ZC3H6: variants seen among roughly 807,000 people sequenced by gnomAD.
ZC3H6 encodes zinc finger CCCH domain-containing protein 6.
Under a neutral mutation model 107.7 loss-of-function variants are expected in ZC3H6, and 40 were observed. The ratio of observed to expected loss-of-function variants is 0.37; its 90% CI spans 0.29 to 0.48. The LOEUF is 0.48. Among genes scored for constraint, ZC3H6 ranks in the 20% least tolerant of loss-of-function variants. The pLI is 0.98. For synonymous variants in ZC3H6, 493 were observed against 487.9 expected (o/e 1.01, Z -0.14); for missense variants, 1,267 against 1,410.4 (o/e 0.90, Z 1.63).
In ZC3H6 at chr2:112,311,676, A is replaced by C. The variant is rs920613456; in HGVS notation, c.614-128A>C. 5.3e-6 allele frequency: 4 copies of C among 760,112 alleles called. No homozygotes were observed. In the African/African-American group the frequency reaches 7.2e-5, roughly 14 times the overall value. The allele number at this position is 760,112 out of a possible 1,614,324, so 47.1% of individuals were successfully genotyped here. On this transcript the variant is annotated intron_variant, in intron 4 of 11. Transcript: ENST00000409871. ...TACAAAGATTTAATTTTTTTCATTG[A>C]ATCTAGAAGGAAAAAAAAGAATGCA...
Position 112,275,658 on chromosome 2 carries a change from C to A in ZC3H6, c.-337C>A. On this transcript the variant is annotated 5_prime_UTR_variant, in exon 1 of 12. The change creates a premature stop within an existing upstream ORF in the 5' untranslated region. Transcript: ENST00000409871. ...TGTTGGTGAGGAGAAATCACCGTTACGGCCACTGTCCAAATCCCCGCGTCG... is the reference window on the plus strand; with the variant it reads ...TGTTGGTGAGGAGAAATCACCGTTAAGGCCACTGTCCAAATCCCCGCGTCG... 2.5e-6 allele frequency: 1 copy of A among 404,224 alleles called. No homozygotes were observed. Among genetic ancestry groups the A allele is most frequent in the East Asian group, 3.6e-5 (1 of 28,094 alleles). The allele number at this position is 404,224 out of a possible 1,614,324, so 25.0% of individuals were successfully genotyped here.
intron 4 of ZC3H6, among the ~76,000 whole-genome samples, chr2:112,311,420 C>A (rs1318377406): frequency 6.6e-6 from 1 of 152,080 alleles, no homozygotes; most frequent in Admixed American, 6.5e-5. Context: ...CTCAAAATTA[C>A]CAGTGGAAAT....
Position 112,321,804 on chromosome 2 carries a change from G to A in ZC3H6, c.1025G>A (p.Gly342Glu). Residue 342 changes from glycine to glutamate, a missense_variant, in exon 8 of 12, where the codon GGA becomes GAA. Physicochemically the swap from Gly to Glu is moderately conservative, Grantham distance 98. Transcript: ENST00000409871. ...FYHSGAKCYQ[G>E]DNCKFSHDDL... The stretch of plus-strand genomic sequence containing the variant: ...CATAGTGGAGCAAAATGTTACCAGG[G>A]AGACAACTGTAAATTTTCCCATGAT... 1 of 1,549,758 alleles carries A rather than the reference G, an allele frequency of 6.5e-7. No individual in the cohort carries two copies. Among genetic ancestry groups the A allele is most frequent in the South Asian group, 1.3e-5 (1 of 78,858 alleles).
chr2:112,325,781 G>A (rs1676895857), intron 11 of ZC3H6, among the ~76,000 whole-genome samples: 1 of 151,706 alleles, frequency 6.6e-6, no homozygotes, highest in Admixed American at 6.6e-5. Flanking sequence ...TTATGTCATA[G>A]GCTCTATAAT....
At chr2:112,299,104 C>T (rs967641552) in intron 1 of ZC3H6, among the ~76,000 whole-genome samples, 1 of 151,874 alleles carries the variant, frequency 6.6e-6, no homozygotes, top group African/African-American at 2.4e-5. Context: ...GGTGAAACCC[C>T]GTCTCTACTA....
In ZC3H6 at chr2:112,338,855, G is replaced by GTGTATATA. The variant is rs1558961152; in HGVS notation, c.*6368_*6369insGTATATAT. 1 of 38,474 alleles carries GTGTATATA rather than the reference G, an allele frequency of 2.6e-5. No individual in the cohort carries two copies. The highest frequency in any genetic ancestry group is 4.4e-5 in the Non-Finnish European group (1 of 22,860). The allele number at this position is 38,474 out of a possible 1,614,324, so 2.4% of individuals were successfully genotyped here. A position where few individuals can be genotyped will look rare whatever the true frequency, so the allele number is the denominator to read the frequency against. On this transcript the variant is annotated 3_prime_UTR_variant, in exon 12 of 12. Transcript: ENST00000409871. ...TATATATATATGTATGTATATGTGT[G>GTGTATATA]TATATATATATATATATATATATAT...
rs1334991075 is a variant in ZC3H6, at chr2:112,338,614, T to C, written c.*6126T>C. The C allele has an allele frequency of 1.3e-5, 2 of 151,952 alleles. No individual in the cohort carries two copies. The highest frequency in any genetic ancestry group is 4.8e-5 in the African/African-American group (2 of 41,398). 9.4% of individuals were successfully genotyped at this position (151,952 alleles called of 1,614,324 possible). On this transcript the variant is annotated 3_prime_UTR_variant, in exon 12 of 12. Coordinates refer to ENST00000409871, the MANE Select transcript of ZC3H6 (RefSeq NM_198581.3). ...TTATAGCATTTTAGAAAAAATTAGC[T>C]CTGCAGATAGTCAGGCCCCATACTT...
chr2:112,299,790 ATCTT>A (rs1676332259), intron 1 of ZC3H6, 55 bp from the exon 2 acceptor site: 1 of 1,237,520 alleles, frequency 8.1e-7, no homozygotes, highest in Non-Finnish European at 1.0e-6. Context: ...TCTTTTGAAA[ATCTT>A]TCTGTAAGAT....
At chr2:112,285,619 A>G (rs1158238933) in intron 1 of ZC3H6, among the ~76,000 whole-genome samples, 1 of 151,996 alleles carries the variant, frequency 6.6e-6, no homozygotes, top group Non-Finnish European at 1.5e-5. Flanking sequence ...CAGTCTTCCA[A>G]AGTGCTGGAA....
At chr2:112,308,404 T>TTTTATTTATTTATTTATTTATTTA (rs370414380) in intron 3 of ZC3H6, among the ~76,000 whole-genome samples, 3 of 138,274 alleles carry the variant, frequency 2.2e-5, no homozygotes, top group African/African-American at 8.3e-5. Flanking sequence ...TTTTATTTTA[T>TTTTATTTATTTATTTATTTATTTA]TTTATTTATT....
chr2:112,304,318 A>G (rs1676436839), intron 3 of ZC3H6, among the ~76,000 whole-genome samples: 2 of 152,236 alleles, frequency 1.3e-5, no homozygotes, highest in East Asian at 1.9e-4. Context: ...TAGAGCTAAC[A>G]TAACAAAATT....
At chr2:112,326,242 T>A (rs527784753) in intron 11 of ZC3H6, among the ~76,000 whole-genome samples, 1 of 152,164 alleles carries the variant, frequency 6.6e-6, no homozygotes, top group Non-Finnish European at 1.5e-5. Context: ...AGTTTTTTTT[T>A]AAATGTACAA....
Position 112,324,237 on chromosome 2 carries a change from G to C in ZC3H6, c.1426G>C (p.Gly476Arg), listed in dbSNP as rs758664803. The change falls in exon 10 of 12, where the codon GGG becomes CGG. Residue 476 changes from glycine to arginine, a missense_variant. Gly to Arg is a moderately radical substitution (Grantham distance 125, BLOSUM62 -2). Coordinates refer to ENST00000409871, the MANE Select transcript of ZC3H6 (RefSeq NM_198581.3). ...SPHPQHIYSS[G>R]SSPGPGPNMS... is the part of the protein sequence containing the mutation. ...ACACCCTCAACATATCTATAGTTCT[G>C]GGTCAAGTCCAGGTCCTGGACCTAA... 14 of 1,613,156 alleles carry C rather than the reference G, an allele frequency of 8.7e-6. No individual in the cohort carries two copies. The highest frequency in any genetic ancestry group is 1.2e-5 in the Non-Finnish European group (14 of 1,179,220).
Position 112,331,291 on chromosome 2 carries a change from T to C in ZC3H6, c.2373T>C (p.Asn791=). 1.2e-6 allele frequency: 2 copies of C among 1,613,630 alleles called. No homozygotes were observed. Among genetic ancestry groups the C allele is most frequent in the Non-Finnish European group, 8.5e-7 (1 of 1,179,882 alleles). The change falls in exon 12 of 12, where the codon AAT becomes AAC. Residue 791 remains asparagine (N), a synonymous_variant. Coordinates refer to ENST00000409871, the MANE Select transcript of ZC3H6 (RefSeq NM_198581.3). Reference sequence around the variant, plus strand: ...GGGATCCCAGGAAATTGAGAGGGAATGGAAGTGGTCACATAGGCTCTTCTG... The same window carrying C: ...GGGATCCCAGGAAATTGAGAGGGAACGGAAGTGGTCACATAGGCTCTTCTG... ...LAWDPRKLRG[N]GSGHIGSSVG... is the part of the protein sequence containing the mutation.
At chr2:112,327,234 T>C (rs1386209012) in intron 11 of ZC3H6, among the ~76,000 whole-genome samples, 2 of 152,212 alleles carry the variant, frequency 1.3e-5, no homozygotes, top group African/African-American at 2.4e-5. Flanking sequence ...TGAGATGATA[T>C]CTTACTGTAG....
chr2:112,305,336 A>C (rs1250369733), intron 3 of ZC3H6, among the ~76,000 whole-genome samples: 2 of 152,202 alleles, frequency 1.3e-5, no homozygotes, highest in Non-Finnish European at 2.9e-5. Context: ...GGAAGTTCCA[A>C]ATATTTAAAA....
rs761618153 is a variant in ZC3H6, at chr2:112,299,803, A to T, written c.33-46A>T. Reference sequence around the variant, plus strand: ...TTTCTTTTGAAAATCTTTCTGTAAGATTTGTTTTAGAATGATATTTGAAAA... The same window carrying T: ...TTTCTTTTGAAAATCTTTCTGTAAGTTTTGTTTTAGAATGATATTTGAAAA... On this transcript the variant is annotated intron_variant, in intron 1 of 11. Coordinates refer to ENST00000409871, the MANE Select transcript of ZC3H6 (RefSeq NM_198581.3). 2.0e-5 allele frequency: 25 copies of T among 1,262,720 alleles called. No individual in the cohort carries two copies. In the South Asian group the frequency reaches 5.7e-4, roughly 29 times the overall value. 78.2% of individuals were successfully genotyped at this position (1,262,720 alleles called of 1,614,324 possible). A position where few individuals can be genotyped will look rare whatever the true frequency, so the allele number is the denominator to read the frequency against.
At chr2:112,295,253 A>G (rs1358776249) in intron 1 of ZC3H6, among the ~76,000 whole-genome samples, 1 of 152,168 alleles carries the variant, frequency 6.6e-6, no homozygotes, top group East Asian at 1.9e-4. Flanking sequence ...TAATCAGTCT[A>G]TTGTGTTTAT....
chr2:112,328,187 C>A (rs1676947955), intron 11 of ZC3H6, among the ~76,000 whole-genome samples: 1 of 152,116 alleles, frequency 6.6e-6, no homozygotes, highest in Non-Finnish European at 1.5e-5. Flanking sequence ...CCACTGTGCC[C>A]AGCTTATGTG....
Sources: gnomAD v4.1 joint callset for allele counts (sites outside exome capture counted in the v4.1 genomes callset) on GRCh38, gnomAD v4.1.1 for gene constraint, MANE v1.5 for transcripts, NCBI Gene and HGNC (gene_info 2026-07-23, HGNC 2026-07-21) for gene names.